The following GTF3C4 variants were observed in gnomAD, a reference collection of about 807,000 sequenced individuals.
GTF3C4 encodes general transcription factor 3C polypeptide 4.
In GTF3C4, 28 loss-of-function variants were observed where a neutral mutation model predicts 67.5. The ratio of observed to expected loss-of-function variants is 0.41; its 90% confidence interval spans 0.31 to 0.57. The LOEUF is 0.57. Among genes scored for constraint, GTF3C4 ranks in the 20% least tolerant of loss-of-function variants. The pLI is 0.21. For synonymous variants in GTF3C4, 409 were observed against 393.0 expected (o/e 1.04, Z -0.48); for missense variants, 831 against 1,033.2 (o/e 0.80, Z 2.68).
intron 2 of GTF3C4, among the ~76,000 whole-genome samples, chr9:132,682,666 G>A (rs1388044301): frequency 2.1e-5 from 3 of 143,070 alleles, no homozygotes; most frequent in Non-Finnish European, 4.5e-5. Context: ...GTGCAGTGGC[G>A]CAATCTCGGC....
rs981442137 is a variant in GTF3C4, at chr9:132,693,964, G to A, written c.*5019G>A. On this transcript the variant is annotated 3_prime_UTR_variant, in exon 5 of 5. Coordinates refer to ENST00000372146, the MANE Select transcript of GTF3C4 (RefSeq NM_012204.4). ...TTACCCAATGCCTGTACTAAATCTT[G>A]TGCTTGGCTTTGAATTATATATGTG... 2.6e-5 allele frequency: 4 copies of A among 152,098 alleles called. No individual in the cohort carries two copies. The highest frequency in any genetic ancestry group is 1.9e-4 in the East Asian group (1 of 5,196). The allele number at this position is 152,098 out of a possible 1,614,324, so 9.4% of individuals were successfully genotyped here.
Position 132,670,465 on chromosome 9 carries a change from T to A in GTF3C4, c.-134T>A. On this transcript the variant is annotated 5_prime_UTR_variant, in exon 1 of 5. It adds an upstream start codon to the 5' untranslated region. Transcript: ENST00000372146. ...TTGCCTGGCAACGGCGGGGTCCTTC[T>A]TGGCTCGGCGGCGCTCGGGGCCTGA... 2.1e-6 allele frequency: 2 copies of A among 971,566 alleles called. No homozygotes were observed. Among genetic ancestry groups the A allele is most frequent in the Non-Finnish European group, 2.8e-6 (2 of 710,120 alleles). 60.2% of individuals were successfully genotyped at this position (971,566 alleles called of 1,614,324 possible).
At chr9:132,688,311 G>A (rs1006228892) in intron 4 of GTF3C4, among the ~76,000 whole-genome samples, 25 of 152,204 alleles carry the variant, frequency 1.6e-4, no homozygotes, top group Admixed American at 1.4e-3. Context: ...TGGATATGCT[G>A]CTTAGGCAGG....
At chr9:132,671,066 G>A in intron 1 of GTF3C4, 111 bp downstream of exon 1, 4 of 739,242 alleles carry the variant, frequency 5.4e-6, no homozygotes, top group Non-Finnish European at 9.1e-6. Context: ...TTCCCTCTTC[G>A]CACCGAGCGC....
intron 1 of GTF3C4, among the ~76,000 whole-genome samples, chr9:132,672,939 C>T (rs1340419573): frequency 3.9e-5 from 6 of 152,090 alleles, no homozygotes; most frequent in Admixed American, 1.3e-4. Context: ...AATCCCAGCA[C>T]TTTGGGAGGC....
intron 2 of GTF3C4, among the ~76,000 whole-genome samples, chr9:132,681,286 C>T (rs1419864420): frequency 1.3e-5 from 2 of 152,172 alleles, no homozygotes; most frequent in Non-Finnish European, 2.9e-5. Flanking sequence ...TGTCCAGATA[C>T]TCCATGAGCC....
In GTF3C4 at chr9:132,670,519, G is replaced by T. The variant is rs964380456; in HGVS notation, c.-80G>T. On this transcript the variant is annotated 5_prime_UTR_variant, in exon 1 of 5. Coordinates refer to ENST00000372146, the MANE Select transcript of GTF3C4 (RefSeq NM_012204.4). ...GAGAAAACCGCCGCGGAGGGCGCTG[G>T]GGGTGGCGGCGGCGGTCCGGGAGGT... 10 of 1,160,476 alleles carry T rather than the reference G, an allele frequency of 8.6e-6. No homozygotes were observed. The Admixed American group carries it at 1.8e-4, about 21-fold the overall frequency. The allele number at this position is 1,160,476 out of a possible 1,614,324, so 71.9% of individuals were successfully genotyped here.
Position 132,679,491 on chromosome 9 carries a change from A to G in GTF3C4, c.1872A>G (p.Glu624=). The change falls in exon 2 of 5, where the codon GAA becomes GAG. Residue 624 remains glutamate, a synonymous_variant. Coordinates refer to ENST00000372146, the MANE Select transcript of GTF3C4 (RefSeq NM_012204.4). The surrounding 1 kb of genome is among the most constrained non-coding windows in gnomAD (Gnocchi z 5.9). ...MGNADDEQQE[E]GTSSKQVVKQ... is the part of the protein sequence containing the mutation. ...ATGCTGACGATGAACAGCAGGAAGA[A>G]GGCACTTCTTCCAAACAGGTGGTGA... 6.2e-7 allele frequency: 1 copy of G among 1,614,186 alleles called. No homozygotes were observed. The highest frequency in any genetic ancestry group is 2.2e-5 in the East Asian group (1 of 44,882).
chr9:132,670,396 C>T (rs987378281), upstream of GTF3C4: 3 of 1,145,374 alleles, frequency 2.6e-6, no homozygotes, highest in African/African-American at 3.3e-5. Flanking sequence ...GCTCGCTGTC[C>T]TTTTTCTGGA....
rs141377409 is a variant in GTF3C4, at chr9:132,679,584, G to A, written c.1965G>A (p.Thr655=). Residue 655 remains threonine, a synonymous_variant, in exon 2 of 5, where the codon ACG becomes ACA. Transcript: ENST00000372146. The surrounding 1 kb of genome is among the most constrained non-coding windows in gnomAD (Gnocchi z 5.9). The stretch of plus-strand genomic sequence containing the variant: ...AGCCCACTGATGACTCGCTCCCCAC[G>A]ACTGGAGATGCTGGAGGCCGTGAGC... ...VEEPTDDSLP[T]TGDAGGREPM... is the part of the protein sequence containing the mutation. The A allele has an allele frequency of 3.0e-5, 49 of 1,613,996 alleles. No homozygotes were observed. The highest frequency in any genetic ancestry group is 4.0e-5 in the African/African-American group (3 of 74,910).
Position 132,694,136 on chromosome 9 carries a change from A to G in GTF3C4, c.*5191A>G, listed in dbSNP as rs1018893737. The G allele has an allele frequency of 1.3e-5, 2 of 152,212 alleles. No individual in the cohort carries two copies. Among genetic ancestry groups the G allele is most frequent in the Non-Finnish European group, 2.9e-5 (2 of 68,030 alleles). The allele number at this position is 152,212 out of a possible 1,614,324, so 9.4% of individuals were successfully genotyped here. On this transcript the variant is annotated 3_prime_UTR_variant, in exon 5 of 5. Transcript: ENST00000372146. Reference sequence around the variant, plus strand: ...TGTTGAAAAAAAAAAGTTTGATAACAATGCATTTTGCTTGGAATACCCCCC... The same window carrying G: ...TGTTGAAAAAAAAAAGTTTGATAACGATGCATTTTGCTTGGAATACCCCCC...
intron 3 of GTF3C4, among the ~76,000 whole-genome samples, chr9:132,684,143 A>C (rs1835989512): frequency 6.6e-6 from 1 of 151,894 alleles, no homozygotes; most frequent in Non-Finnish European, 1.5e-5. Flanking sequence ...GCTGATGGGC[A>C]CCTCAGCTGT....
intron 2 of GTF3C4, 102 bp from the exon 3 acceptor site, chr9:132,683,461 C>CT: frequency 9.4e-7 from 1 of 1,067,160 alleles, no homozygotes; most frequent in Non-Finnish European, 1.4e-6. Context: ...TTGCTCTTTT[C>CT]TTTTTTTCTT....
At chr9:132,688,278 T>C (rs73659431) in intron 4 of GTF3C4, among the ~76,000 whole-genome samples, 7,966 of 152,324 alleles carry the variant, frequency 0.052, 688 homozygotes, top group African/African-American at 0.18. Context: ...TGGGAACTTT[T>C]AAATTTTTAC....
chr9:132,677,828 A>G (rs1176703901), intron 1 of GTF3C4, 149 bp from the exon 2 acceptor site: 9 of 662,700 alleles, frequency 1.4e-5, no homozygotes, highest in Non-Finnish European at 2.3e-5. Context: ...GTTGAATCTT[A>G]AGAATCAAGT....
chr9:132,671,838 T>C (rs966003273), intron 1 of GTF3C4, among the ~76,000 whole-genome samples: 1 of 152,158 alleles, frequency 6.6e-6, no homozygotes, highest in Non-Finnish European at 1.5e-5. Flanking sequence ...CTTACATTCT[T>C]TGGCAAGTCA....
Position 132,691,329 on chromosome 9 carries a change from G to A in GTF3C4, c.*2384G>A, listed in dbSNP as rs931625799. 6.6e-6 allele frequency: 1 copy of A among 152,188 alleles called. No individual in the cohort carries two copies. The allele number at this position is 152,188 out of a possible 1,614,324, so 9.4% of individuals were successfully genotyped here. On this transcript the variant is annotated 3_prime_UTR_variant, in exon 5 of 5. Transcript: ENST00000372146. Reference sequence around the variant, plus strand: ...AGTGCAACCTTGGAAAAGTGGGAATGGCACCAGACGTTTTTCAGGTGCCTC... The same window carrying A: ...AGTGCAACCTTGGAAAAGTGGGAATAGCACCAGACGTTTTTCAGGTGCCTC...
rs1161323635 is a variant in GTF3C4 at position 132,691,154 on chromosome 9, G to A, written c.*2209G>A. 1.3e-5 allele frequency: 2 copies of A among 152,238 alleles called. No individual in the cohort carries two copies. Among genetic ancestry groups the A allele is most frequent in the African/African-American group, 4.8e-5 (2 of 41,442 alleles). 9.4% of individuals were successfully genotyped at this position (152,238 alleles called of 1,614,324 possible). On this transcript the variant is annotated 3_prime_UTR_variant, in exon 5 of 5. Transcript: ENST00000372146. ...CAGGTTTCCACACACCCAGTTGGAA[G>A]GCCTTTCCCTGCCCTTGTCCCTGTC...
rs573620187 is a variant in GTF3C4, at chr9:132,685,341, C to T, written c.2315+1648C>T. ...CGGCCAAATTTTTAACAAGATTGTG[C>T]TACACGTACCATATTAACTCACCAG... On this transcript the variant is annotated intron_variant, in intron 3 of 4. Coordinates refer to ENST00000372146, the MANE Select transcript of GTF3C4 (RefSeq NM_012204.4). 2.0e-5 allele frequency among the ~76,000 whole-genome samples: 3 copies of T among 152,150 alleles called. No homozygotes were observed. The South Asian group carries it at 6.2e-4, about 32-fold the overall frequency.
Sources: allele counts gnomAD v4.1 joint callset (sites outside exome capture counted in the v4.1 genomes callset), GRCh38; gene constraint gnomAD v4.1.1; non-coding constraint Gnocchi (gnomAD v3.1); transcripts MANE v1.5; gene names NCBI Gene and HGNC (gene_info 2026-07-23, HGNC 2026-07-21).